Variants in BOLL observed in about 807,000 individuals in gnomAD.
BOLL encodes the protein boule RNA binding protein.
A neutral mutation model predicts 44.4 loss-of-function variants in BOLL; 23 were observed. The ratio of observed to expected loss-of-function variants is 0.52; its 90% confidence interval spans 0.37 to 0.73. BOLL has a LOEUF of 0.73. BOLL is among the 30% of genes least tolerant of loss of function. The probability of loss-of-function intolerance (pLI) is 0.00; values close to 1 mark genes in which losing one functional copy is unlikely to be tolerated. For synonymous variants in BOLL, 97 were observed against 110.8 expected (o/e 0.88, Z 0.78); for missense variants, 287 against 338.3 (o/e 0.85, Z 1.19).
intron 4 of BOLL, among the ~76,000 whole-genome samples, chr2:197,776,697 T>G (rs1259240009): frequency 1.3e-5 from 2 of 152,008 alleles, no homozygotes; most frequent in Non-Finnish European, 2.9e-5. Flanking sequence ...TTTCTGTGAA[T>G]ATTCTTAGTT....
At chr2:197,740,872 A>G (rs1274194345) in intron 10 of BOLL, among the ~76,000 whole-genome samples, 3 of 152,174 alleles carry the variant, frequency 2.0e-5, no homozygotes, top group South Asian at 4.1e-4. Flanking sequence ...ACACTTAACA[A>G]TGGTTGAAAC....
At chr2:197,784,802 G>T (rs1448852662) in intron 1 of BOLL, 5 of 987,414 alleles carry the variant, frequency 5.1e-6, no homozygotes, top group Non-Finnish European at 6.0e-6. Context: ...AACAATTAGC[G>T]ATGCATTGAG....
At chr2:197,760,971 C>T (rs1011871783) in intron 7 of BOLL, among the ~76,000 whole-genome samples, 6 of 151,986 alleles carry the variant, frequency 3.9e-5, no homozygotes, top group Non-Finnish European at 5.9e-5. Flanking sequence ...AAAAAACCTG[C>T]CAGCCAAGAA....
Position 197,728,442 on chromosome 2 carries a change from C to A in BOLL, c.*113G>T. 1 of 1,521,956 alleles carries A rather than the reference C, an allele frequency of 6.6e-7. No homozygotes were observed. The highest frequency in any genetic ancestry group is 9.1e-7 in the Non-Finnish European group (1 of 1,099,192). 94.3% of individuals were successfully genotyped at this position (1,521,956 alleles called of 1,614,324 possible). On this transcript the variant is annotated 3_prime_UTR_variant, in exon 11 of 11. Coordinates refer to ENST00000392296, the MANE Select transcript of BOLL (RefSeq NM_033030.6). ...CTGAGTATGGTGAGGTATTAACTAACACTAAGTTTCACAACGGGCAGCTTC... is the reference window on the plus strand; with the variant it reads ...CTGAGTATGGTGAGGTATTAACTAAAACTAAGTTTCACAACGGGCAGCTTC...
chr2:197,742,378 G>A (rs1416816973), intron 10 of BOLL, among the ~76,000 whole-genome samples: 7 of 152,218 alleles, frequency 4.6e-5, no homozygotes, highest in South Asian at 4.1e-4. Context: ...TGTTTATTGC[G>A]GCACTATTCA....
chr2:197,781,914 C>A, intron 1 of BOLL, 49 bp from the exon 2 acceptor site: 1 of 1,446,672 alleles, frequency 6.9e-7, no homozygotes, highest in South Asian at 1.7e-5. Context: ...ATAATGCAGT[C>A]TGCTTTTGAT....
At chr2:197,763,898 T>G (rs995767019) in intron 7 of BOLL, among the ~76,000 whole-genome samples, 7 of 152,180 alleles carry the variant, frequency 4.6e-5, no homozygotes, top group Non-Finnish European at 8.8e-5. Flanking sequence ...TAGACATTTC[T>G]CAAAAGAAGA....
At chr2:197,775,821 GA>G in intron 4 of BOLL, 81 bp from the exon 5 acceptor site, 1 of 820,504 alleles carries the variant, frequency 1.2e-6, no homozygotes. Flanking sequence ...TAGTTAGAAA[GA>G]ATTTCAAAAA....
chr2:197,754,055 A>C (rs1559403080), intron 9 of BOLL, among the ~76,000 whole-genome samples: 1 of 152,200 alleles, frequency 6.6e-6, no homozygotes, highest in Admixed American at 6.5e-5. Context: ...CAAACACTGC[A>C]TGTTCTCACT....
At chr2:197,758,340 T>C (rs1221760236) in intron 7 of BOLL, among the ~76,000 whole-genome samples, 1 of 152,230 alleles carries the variant, frequency 6.6e-6, no homozygotes, top group Non-Finnish European at 1.5e-5. Flanking sequence ...TACTGAGATA[T>C]GTCATGTCTC....
intron 9 of BOLL, among the ~76,000 whole-genome samples, chr2:197,743,398 C>A (rs1378998705): frequency 6.6e-6 from 1 of 152,152 alleles, no homozygotes; most frequent in Admixed American, 6.5e-5. Context: ...ATCCTATAGA[C>A]ATGTATAGGG....
intron 6 of BOLL, 34 bp from the exon 7 acceptor site, chr2:197,766,637 A>C (rs757177306): frequency 6.7e-7 from 1 of 1,495,360 alleles, no homozygotes; most frequent in East Asian, 2.3e-5. Context: ...AATTAGGCAG[A>C]AGCCTTTAAA....
At position 197,777,047 on chromosome 2, in the gene BOLL, A is replaced by G; in HGVS notation, c.276+12T>C. ...TTCCAGAAATGAAGTTAAATACACC[A>G]AAAGATCATACCTCTTGTAAAATTT... On this transcript the variant is annotated intron_variant, in intron 4 of 10. Transcript: ENST00000392296. 1 of 1,557,440 alleles carries G rather than the reference A, an allele frequency of 6.4e-7. No homozygotes were observed. The highest frequency in any genetic ancestry group is 1.2e-5 in the South Asian group (1 of 84,204).
intron 10 of BOLL, among the ~76,000 whole-genome samples, chr2:197,738,301 A>G (rs1687586545): frequency 6.6e-6 from 1 of 152,072 alleles, no homozygotes; most frequent in African/African-American, 2.4e-5. Flanking sequence ...GGCTGGCCTT[A>G]AACTCCTGGC....
intron 10 of BOLL, among the ~76,000 whole-genome samples, chr2:197,732,607 C>T (rs898277459): frequency 9.9e-5 from 15 of 151,032 alleles, no homozygotes; most frequent in African/African-American, 3.4e-4. Context: ...AAAAGCTTAT[C>T]CACCATGATC....
In BOLL at chr2:197,784,635, G is replaced by A. The variant is rs149361818; in HGVS notation, c.-16+421C>T. 121 of 769,306 alleles carry A rather than the reference G, an allele frequency of 1.6e-4. No individual in the cohort carries two copies. The African/African-American group carries it at 2.1e-3, about 13-fold the overall frequency. 47.7% of individuals were successfully genotyped at this position (769,306 alleles called of 1,614,324 possible). The stretch of plus-strand genomic sequence containing the variant: ...AGTAGAGATGGGTTTTCACCATTTT[G>A]GCCAGGATGGTCTCGATCTCCTGAC... On this transcript the variant is annotated intron_variant, in intron 1 of 10. Coordinates refer to ENST00000392296, the MANE Select transcript of BOLL (RefSeq NM_033030.6).
At chr2:197,778,908 T>C (rs1236903395) in intron 3 of BOLL, 67 bp downstream of exon 3, 1 of 1,390,370 alleles carries the variant, frequency 7.2e-7, no homozygotes, top group Non-Finnish European at 1.0e-6. Flanking sequence ...TAAACTGGCG[T>C]ACAAAACCTA....
chr2:197,735,224 T>G (rs1687429132), intron 10 of BOLL, among the ~76,000 whole-genome samples: 1 of 152,128 alleles, frequency 6.6e-6, no homozygotes, highest in Admixed American at 6.6e-5. Context: ...TTCACAATAA[T>G]TGGCCTTAGT....
chr2:197,736,271 A>T (rs897700685), intron 10 of BOLL, among the ~76,000 whole-genome samples: 1 of 152,184 alleles, frequency 6.6e-6, no homozygotes, highest in Non-Finnish European at 1.5e-5. Flanking sequence ...AGAGTGTTCT[A>T]CAAAATAACT....
Sources: gnomAD v4.1 joint callset for allele counts (sites outside exome capture counted in the v4.1 genomes callset) on GRCh38, gnomAD v4.1.1 for gene constraint, MANE v1.5 for transcripts, NCBI Gene and HGNC (gene_info 2026-07-23, HGNC 2026-07-21) for gene names.